Variants in UNC13C observed in about 807,000 individuals in gnomAD.
The protein encoded by UNC13C is protein unc-13 homolog C.
In UNC13C, 174 loss-of-function variants were observed where a neutral mutation model predicts 245.4. The observed-to-expected ratio is 0.71, with a 90% CI of 0.63 to 0.80. UNC13C has a LOEUF of 0.80. UNC13C is among the 30% of genes least tolerant of loss of function. UNC13C has a pLI of 0.00. For missense variants in UNC13C, 2,829 were observed against 2,602.9 expected (o/e 1.09, Z -1.89); for synonymous variants, 992 against 895.1 (o/e 1.11, Z -1.93).
intron 23 of UNC13C, among the ~76,000 whole-genome samples, chr15:54,508,464 T>G (rs969891578): frequency 6.6e-6 from 1 of 152,136 alleles, no homozygotes; most frequent in Admixed American, 6.5e-5. Flanking sequence ...CCAGTATTTA[T>G]TATATTATTC....
chr15:53,974,095 T>A (rs2725584), upstream of UNC13C, among the ~76,000 whole-genome samples: 150,374 of 152,318 alleles, frequency 0.99, 74,255 homozygotes, highest in Middle Eastern at 1. Flanking sequence ...GGGAACCATA[T>A]AATACTACTA....
intron 4 of UNC13C, among the ~76,000 whole-genome samples, chr15:54,194,058 A>G (rs1236592799): frequency 6.6e-6 from 1 of 152,176 alleles, no homozygotes; most frequent in African/African-American, 2.4e-5. Context: ...TGCAAAGGCC[A>G]TATCTCTGAG....
At chr15:53,946,324 G>T in the UNC13C span, among the ~76,000 whole-genome samples, 3 of 152,030 alleles carry the variant, frequency 2.0e-5, no homozygotes, top group South Asian at 2.1e-4. Context: ...TTTTCAAGGG[G>T]AATGCTTCCA....
chr15:54,145,717 C>T (rs1479306171), intron 4 of UNC13C, among the ~76,000 whole-genome samples: 2 of 152,142 alleles, frequency 1.3e-5, no homozygotes, highest in African/African-American at 4.8e-5. Flanking sequence ...TGTCATGCAC[C>T]TGGAGGTTTA....
intron 4 of UNC13C, among the ~76,000 whole-genome samples, chr15:54,198,714 CT>C (rs1258252667): frequency 8.5e-5 from 13 of 152,186 alleles, no homozygotes; most frequent in African/African-American, 3.1e-4. Flanking sequence ...GAACAGCAGC[CT>C]TTGAATCCCA....
At chr15:54,137,244 G>A (rs557427796) in intron 2 of UNC13C, among the ~76,000 whole-genome samples, 9 of 152,234 alleles carry the variant, frequency 5.9e-5, no homozygotes, top group Non-Finnish European at 1.0e-4. Flanking sequence ...CATTGAATTT[G>A]GTTTGTTAGC....
At chr15:53,853,170 T>A in the UNC13C span, among the ~76,000 whole-genome samples, 1 of 152,182 alleles carries the variant, frequency 6.6e-6, no homozygotes, top group African/African-American at 2.4e-5. Context: ...ATGCTCTCTC[T>A]CCCCTCACCC....
chr15:54,525,631 G>A lies in UNC13C; in HGVS notation c.5540G>A (p.Gly1847Asp). ...CTGGATGAGCTCAGCGTCACTTATG[G>A]TGAAAGGTAAGTGGCCTCTGTTGTC... is the stretch of plus-strand genomic sequence containing the variant. Reference protein sequence around the residue: ...GVLDELSVTYGESFQVIIEEC... With the variant: ...GVLDELSVTYDESFQVIIEEC... The change falls in exon 25 of 33, where the codon GGT becomes GAT. Residue 1847 changes from glycine (G) to aspartate (D), a missense_variant. Gly to Asp is a moderately conservative substitution (Grantham distance 94). Transcript: ENST00000260323. The A allele has an allele frequency of 6.2e-7, 1 of 1,611,370 alleles. No individual in the cohort carries two copies. The highest frequency in any genetic ancestry group is 8.5e-7 in the Non-Finnish European group (1 of 1,178,626).
intron 30 of UNC13C, among the ~76,000 whole-genome samples, chr15:54,568,224 AG>A (rs1396825681): frequency 1.3e-5 from 2 of 152,136 alleles, no homozygotes; most frequent in African/African-American, 4.8e-5. Context: ...AACTACTTTA[AG>A]TAAAATCTAC....
At chr15:54,460,325 C>T (rs1467687497) in intron 19 of UNC13C, among the ~76,000 whole-genome samples, 2 of 152,146 alleles carry the variant, frequency 1.3e-5, no homozygotes, top group Non-Finnish European at 2.9e-5. Context: ...CTGTGGGAGT[C>T]CTTGGTTGTA....
chr15:53,846,510 T>A, the UNC13C span, among the ~76,000 whole-genome samples: 3 of 152,228 alleles, frequency 2.0e-5, no homozygotes, highest in South Asian at 4.1e-4. Context: ...TGCAAGTTAC[T>A]TATTTTCCAC....
chr15:54,153,248 GA>G (rs2032603153), intron 4 of UNC13C, among the ~76,000 whole-genome samples: 1 of 151,930 alleles, frequency 6.6e-6, no homozygotes, highest in African/African-American at 2.4e-5. Context: ...CATTTAGAAA[GA>G]ATATAAAATA....
chr15:54,339,114 C>A (rs982570358), intron 17 of UNC13C, among the ~76,000 whole-genome samples: 1 of 152,064 alleles, frequency 6.6e-6, no homozygotes, highest in Admixed American at 6.6e-5. Flanking sequence ...GTGATCCGCC[C>A]GCCTCGGCCT....
chr15:54,030,220 A>G (rs1388746214), intron 2 of UNC13C, among the ~76,000 whole-genome samples: 2 of 152,116 alleles, frequency 1.3e-5, no homozygotes, highest in South Asian at 4.1e-4. Flanking sequence ...ACTTTTGGCA[A>G]GACCCAAATT....
chr15:54,340,079 G>A (rs1596249498), intron 17 of UNC13C, among the ~76,000 whole-genome samples: 1 of 152,178 alleles, frequency 6.6e-6, no homozygotes, highest in South Asian at 2.1e-4. Context: ...TTGGCCATTT[G>A]TATATCTTCT....
intron 17 of UNC13C, among the ~76,000 whole-genome samples, chr15:54,384,832 A>G (rs2039803095): frequency 6.6e-6 from 1 of 152,146 alleles, no homozygotes; most frequent in African/African-American, 2.4e-5. Flanking sequence ...TAATAATTCT[A>G]TTAAAAAGTG....
chr15:54,190,301 G>T (rs531921521), intron 4 of UNC13C, among the ~76,000 whole-genome samples: 2 of 152,056 alleles, frequency 1.3e-5, no homozygotes, highest in African/African-American at 4.8e-5. Flanking sequence ...TAACAAGACA[G>T]GTAATTCCTT....
At position 54,505,919 on chromosome 15, in the gene UNC13C, A is replaced by G. The variant is rs150597601; in HGVS notation, c.5302-1198A>G. Among the ~76,000 whole-genome samples the G allele has an allele frequency of 5.1e-3, 771 of 152,164 alleles. 9 individuals carry two copies. The highest frequency in any genetic ancestry group is 0.018 in the African/African-American group (734 of 41,524). ...TTGTCTCTAAGCATAAATTCAAGGG[A>G]CTAAGGTTTTCCTATGAAGTAGACT... On this transcript the variant is annotated intron_variant, in intron 22 of 32. Transcript: ENST00000260323.
the UNC13C span, among the ~76,000 whole-genome samples, chr15:53,838,576 T>G: frequency 6.6e-6 from 1 of 152,170 alleles, no homozygotes; most frequent in East Asian, 1.9e-4. Context: ...AAAATTATAC[T>G]AATTGATTTT....
Sources: gnomAD v4.1 joint callset for allele counts (sites outside exome capture counted in the v4.1 genomes callset) on GRCh38, gnomAD v4.1.1 for gene constraint, MANE v1.5 for transcripts, NCBI Gene and HGNC (gene_info 2026-07-23, HGNC 2026-07-21) for gene names.